SYNJ2: variants seen among roughly 807,000 people sequenced by gnomAD.
The protein encoded by SYNJ2 is synaptojanin 2, also known as polyphosphatidylinositol phosphatase SYNJ2.
In SYNJ2, 116 loss-of-function variants were observed where a neutral mutation model predicts 141.3. The observed-to-expected ratio is 0.82, with a 90% CI of 0.71 to 0.96. SYNJ2 has a LOEUF of 0.96. SYNJ2 is among the 40% of genes least tolerant of loss of function. The pLI, the probability that SYNJ2 is intolerant of heterozygous loss-of-function variation, is 0.00. For missense variants in SYNJ2, 1,873 were observed against 1,934.8 expected, an observed-to-expected ratio of 0.97 and a Z score of 0.60; for synonymous variants, 745 against 777.7, an observed-to-expected ratio of 0.96 and a Z score of 0.70.
chr6:158,005,734 CCCTCCCCTTTCCTCAGCTCTGCTGTGCCT>C (rs1340295957), intron 1 of SYNJ2, among the ~76,000 whole-genome samples: 3 of 151,988 alleles, frequency 2.0e-5, no homozygotes, highest in Non-Finnish European at 4.4e-5. Flanking sequence ...GGCAACTCCA[CCCTCCCCTTTCCTCAGCTCTGCTGTGCCT>C]CCTCCCCATC....
intron 5 of SYNJ2, 101 bp from the exon 6 acceptor site, chr6:158,054,866 C>T: frequency 4.7e-6 from 6 of 1,264,206 alleles, no homozygotes; most frequent in Non-Finnish European, 6.7e-6. Context: ...GTGGGTGCCA[C>T]ATGCAGCCTG....
At chr6:158,005,710 C>T (rs546076013) in intron 1 of SYNJ2, among the ~76,000 whole-genome samples, 28 of 152,194 alleles carry the variant, frequency 1.8e-4, no homozygotes, top group Admixed American at 5.9e-4. Flanking sequence ...GTCCACTCCC[C>T]CACCCTCCCA....
intron 1 of SYNJ2, among the ~76,000 whole-genome samples, chr6:157,986,812 A>G (rs914638739): frequency 2.6e-5 from 4 of 152,208 alleles, no homozygotes; most frequent in Non-Finnish European, 5.9e-5. Flanking sequence ...ATTGATAGTT[A>G]TCAATATATT....
At position 158,031,615 on chromosome 6, in the gene SYNJ2, G is replaced by A. The variant is rs942515322; in HGVS notation, c.486-1840G>A. Among the ~76,000 whole-genome samples the A allele has an allele frequency of 7.8e-5, 10 of 127,682 alleles. 1 individual carries two copies. Among genetic ancestry groups the A allele is most frequent in the South Asian group, 7.1e-4 (3 of 4,212 alleles). 83.8% of individuals were successfully genotyped at this position (127,682 alleles called of 152,430 possible). ...TCGCCTGAACCCCCACTGTTGTGGC[G>A]CAGCGTGAGGTCTGGAGACCCACAG... On this transcript the variant is annotated intron_variant, in intron 3 of 26. Transcript: ENST00000355585.
At chr6:158,075,556 G>T (rs13191795) in intron 16 of SYNJ2, among the ~76,000 whole-genome samples, 1 of 151,406 alleles carries the variant, frequency 6.6e-6, no homozygotes, top group East Asian at 2.0e-4. Flanking sequence ...CAGGAGAATC[G>T]CTTGAACCTG....
intron 20 of SYNJ2, among the ~76,000 whole-genome samples, chr6:158,082,255 G>A (rs1474219296): frequency 1.3e-5 from 2 of 152,134 alleles, no homozygotes; most frequent in Non-Finnish European, 2.9e-5. Flanking sequence ...TTGGGAGGCT[G>A]AGGCGGGCAA....
At chr6:158,032,750 A>AC in intron 3 of SYNJ2, among the ~76,000 whole-genome samples, 1 of 152,196 alleles carries the variant, frequency 6.6e-6, no homozygotes, top group Non-Finnish European at 1.5e-5. Context: ...GAGTTAATCC[A>AC]CCCCAAAGTA....
At chr6:158,013,355 T>G (rs1220193342) in intron 1 of SYNJ2, among the ~76,000 whole-genome samples, 1 of 152,174 alleles carries the variant, frequency 6.6e-6, no homozygotes, top group Non-Finnish European at 1.5e-5. Context: ...TACTCCAGCC[T>G]GGGCAACACA....
rs1780065233 is a variant in SYNJ2 at position 158,043,492 on chromosome 6, G to A, written c.795+93G>A. ...GGGGAAGATTTCTTTTAACACGTTCGTTTCATGGCATAGTTTCCAGTCTTT... is the reference window on the plus strand; with the variant it reads ...GGGGAAGATTTCTTTTAACACGTTCATTTCATGGCATAGTTTCCAGTCTTT... On this transcript the variant is annotated intron_variant, in intron 5 of 26. Transcript: ENST00000355585. The surrounding 1 kb of genome is among the most constrained non-coding windows in gnomAD (Gnocchi z 4.0). 5.7e-6 allele frequency: 5 copies of A among 884,860 alleles called. No homozygotes were observed. Among genetic ancestry groups the A allele is most frequent in the South Asian group, 1.5e-5 (1 of 67,060 alleles). The allele number at this position is 884,860 out of a possible 1,614,324, so 54.8% of individuals were successfully genotyped here.
At chr6:158,042,919 C>T (rs946261293) in intron 4 of SYNJ2, among the ~76,000 whole-genome samples, 1 of 152,244 alleles carries the variant, frequency 6.6e-6, no homozygotes, top group Non-Finnish European at 1.5e-5. Context: ...TTCTGCTTAG[C>T]TATTTGCCAA....
At chr6:158,078,063 T>C in intron 17 of SYNJ2, 101 bp from the exon 18 acceptor site, 1 of 661,472 alleles carries the variant, frequency 1.5e-6, no homozygotes, top group East Asian at 2.7e-5. Context: ...GGACGTGGGG[T>C]GGTTCGTGGC....
At chr6:157,983,005 C>G (rs893068477) in intron 1 of SYNJ2, among the ~76,000 whole-genome samples, 2 of 152,158 alleles carry the variant, frequency 1.3e-5, no homozygotes, top group African/African-American at 4.8e-5. Flanking sequence ...TGTGGACACC[C>G]GAGAGTAAGC....
rs776409601 is a variant in SYNJ2, at chr6:158,071,606, G to A, written c.1945G>A (p.Val649Ile). The change falls in exon 15 of 27, where the codon GTA (valine) becomes ATA (isoleucine). Residue 649 changes from valine to isoleucine, a missense_variant. Val to Ile is a conservative substitution (Grantham distance 29). Transcript: ENST00000355585. The surrounding 1 kb of genome is among the most constrained non-coding windows in gnomAD (Gnocchi z 4.3). The stretch of plus-strand genomic sequence containing the variant: ...GCGCGTATCCTTCTGTTCCAGGGAC[G>A]TAGCCATCGACACAGTGAAGACGGG... ...RPYHVPFIRD[V>I]AIDTVKTGMG... 34 of 1,613,570 alleles carry A rather than the reference G, an allele frequency of 2.1e-5. No individual in the cohort carries two copies. Among genetic ancestry groups the A allele is most frequent in the Non-Finnish European group, 2.5e-5 (30 of 1,179,924 alleles).
At chr6:158,041,008 G>A (rs910632172) in intron 4 of SYNJ2, among the ~76,000 whole-genome samples, 4 of 152,194 alleles carry the variant, frequency 2.6e-5, no homozygotes, top group South Asian at 2.1e-4. Flanking sequence ...TAGTCATAGC[G>A]TCAGGGCCTC....
intron 23 of SYNJ2, among the ~76,000 whole-genome samples, chr6:158,088,033 AATTTTTTTTTTTTTTTTTTTTTTTTT>A (rs1783185475): frequency 2.7e-5 from 1 of 36,816 alleles, no homozygotes; most frequent in Non-Finnish European, 5.8e-5. Context: ...CCTGCTTTGG[AATTTTTTTTTTTTTTTTTTTTTTTTT>A]TTTTTTTTTT....
chr6:158,010,803 G>C (rs1033689801), intron 1 of SYNJ2, among the ~76,000 whole-genome samples: 1 of 144,440 alleles, frequency 6.9e-6, no homozygotes, highest in African/African-American at 2.6e-5. Context: ...GGATGGCCAC[G>C]TGATGATGGG....
At chr6:158,087,847 A>G (rs1783158418) in intron 23 of SYNJ2, among the ~76,000 whole-genome samples, 1 of 146,720 alleles carries the variant, frequency 6.8e-6, no homozygotes, top group South Asian at 2.2e-4. Flanking sequence ...TTCTTTTTCC[A>G]GTTTCATGTA....
intron 9 of SYNJ2, 61 bp from the exon 10 acceptor site, chr6:158,064,540 A>G (rs966773659): frequency 2.5e-6 from 4 of 1,593,924 alleles, no homozygotes; most frequent in Non-Finnish European, 3.4e-6. Context: ...ACCTCCTGGG[A>G]CAGTGGCTGC....
chr6:158,012,250 C>T (rs1267287535), intron 1 of SYNJ2, among the ~76,000 whole-genome samples: 1 of 152,222 alleles, frequency 6.6e-6, no homozygotes, highest in African/African-American at 2.4e-5. Context: ...GGAAGGCCCA[C>T]ATCCTCCTTC....
Sources: allele counts gnomAD v4.1 joint callset (sites outside exome capture counted in the v4.1 genomes callset), GRCh38; gene constraint gnomAD v4.1.1; non-coding constraint Gnocchi (gnomAD v3.1); transcripts MANE v1.5; gene names NCBI Gene and HGNC (gene_info 2026-07-23, HGNC 2026-07-21).